Variants in KIF5A observed in about 807,000 individuals in gnomAD.
KIF5A encodes kinesin family member 5A, also known as kinesin heavy chain isoform 5A.
In KIF5A, 35 loss-of-function variants were observed where a neutral mutation model predicts 141.3. The ratio of observed to expected loss-of-function variants is 0.25; its 90% confidence interval spans 0.19 to 0.33. KIF5A has a LOEUF of 0.33. Ranked by LOEUF, KIF5A falls within the 10% of genes least tolerant of loss-of-function variation. KIF5A has a pLI of 1.00. For missense variants in KIF5A, 861 were observed against 1,314.3 expected, an observed-to-expected ratio of 0.66 and a Z score of 5.33; for synonymous variants, 448 against 500.2, an observed-to-expected ratio of 0.90 and a Z score of 1.39.
intron 13 of KIF5A, among the ~76,000 whole-genome samples, 197 bp downstream of exon 13, chr12:57,571,586 T>TA (rs1473215803): frequency 1.3e-5 from 2 of 151,796 alleles, no homozygotes; most frequent in Admixed American, 6.6e-5. Context: ...TTTTTTTTTT[T>TA]AGAGATGGAG....
intron 1 of KIF5A, among the ~76,000 whole-genome samples, chr12:57,551,403 A>G (rs1323371457): frequency 6.6e-6 from 1 of 151,742 alleles, no homozygotes; most frequent in African/African-American, 2.4e-5. Context: ...GTGACTGCAA[A>G]CCTCCCATCT....
chr12:57,579,153 T>C (rs1882518273), intron 23 of KIF5A, among the ~76,000 whole-genome samples: 1 of 152,136 alleles, frequency 6.6e-6, no homozygotes, highest in African/African-American at 2.4e-5. Flanking sequence ...TTGCTGCCTC[T>C]CTGTCCCCCT....
chr12:57,567,384 G>GTGGAAGAT, intron 7 of KIF5A, 110 bp from the exon 8 acceptor site: 2 of 1,441,028 alleles, frequency 1.4e-6, no homozygotes, highest in South Asian at 2.4e-5. Flanking sequence ...GGCTAGTCCT[G>GTGGAAGAT]GTGGGCACCT....
In KIF5A at chr12:57,583,144, C is replaced by A. The variant is rs1882657545; in HGVS notation, c.3064C>A (p.Leu1022Ile). 1 of 1,613,956 alleles carries A rather than the reference C, an allele frequency of 6.2e-7. No homozygotes were observed. Among genetic ancestry groups the A allele is most frequent in the Non-Finnish European group, 8.5e-7 (1 of 1,180,016 alleles). Residue 1022 changes from leucine (L) to isoleucine (I), a missense_variant, in exon 28 of 29, where the codon CTT becomes ATT. Physicochemically the swap from Leu to Ile is conservative, Grantham distance 5 (BLOSUM62 2). Around this residue, in one of 5 missense-constraint regions of KIF5A, gnomAD observed 482 missense variants for 661.3 expected, o/e 0.73. Coordinates refer to ENST00000455537, the MANE Select transcript of KIF5A (RefSeq NM_004984.4). ...CTATGAGGCTGAGGACCAGGCCAAGCTTTTCCCTCTCCACCAAGAGACAGC... is the reference window on the plus strand; with the variant it reads ...CTATGAGGCTGAGGACCAGGCCAAGATTTTCCCTCTCCACCAAGAGACAGC... ...CGYEAEDQAK[L>I]FPLHQETAAS
chr12:57,581,622 G>A, intron 25 of KIF5A, 54 bp downstream of exon 25: 1 of 1,582,600 alleles, frequency 6.3e-7, no homozygotes. Flanking sequence ...CTGGACCCTA[G>A]AAGGCATAGG....
At chr12:57,571,065 C>T (rs753468701) in intron 12 of KIF5A, among the ~76,000 whole-genome samples, 2 of 151,308 alleles carry the variant, frequency 1.3e-5, no homozygotes, top group African/African-American at 4.9e-5. Context: ...CCTTTCAATG[C>T]GCTGGGATTA....
chr12:57,580,981 G>A lies in KIF5A; in HGVS notation c.2564G>A (p.Arg855His). ...CTGGTACGTGACAATGCAGATCTGC[G>A]TTGTGAGCTTCCTAAATTGGAAAAA... ...KQLVRDNADL[R>H]CELPKLEKRL... The change falls in exon 24 of 29, where the codon CGT becomes CAT. Residue 855 changes from arginine to histidine, a missense_variant. Physicochemically the swap from Arg to His is conservative, Grantham distance 29. Transcript: ENST00000455537. 3 of 1,614,000 alleles carry A rather than the reference G, an allele frequency of 1.9e-6. No individual in the cohort carries two copies. The highest frequency in any genetic ancestry group is 1.1e-5 in the South Asian group (1 of 91,068).
rs17119769 is a variant in KIF5A, at chr12:57,564,226, G to A, written c.396+14G>A. 1,873 of 1,547,070 alleles carry A rather than the reference G, an allele frequency of 1.2e-3. 40 individuals carry two copies. The African/African-American group carries it at 0.023, about 19-fold the overall frequency. On this transcript the variant is annotated intron_variant, in intron 4 of 28. Transcript: ENST00000455537. ...TTCCACATCAAGGTGACCAGGGCAC[G>A]ACAGCTGGGCATTCAGATGGGGACT...
In KIF5A at chr12:57,550,257, A is replaced by G; in HGVS notation, c.-15A>G. The G allele has an allele frequency of 6.2e-7, 1 of 1,613,838 alleles. No individual in the cohort carries two copies. Among genetic ancestry groups the G allele is most frequent in the Non-Finnish European group, 8.5e-7 (1 of 1,179,952 alleles). On this transcript the variant is annotated 5_prime_UTR_variant, in exon 1 of 29. Transcript: ENST00000455537. This position sits in a 1 kb window ranked among gnomAD's most constrained non-coding sequence, Gnocchi z 4.6. ...GCAGCCCAAGAAGAGTCCCAGCCCCACGCCGGCTACCACCATGGCGGAGAC... is the reference window on the plus strand; with the variant it reads ...GCAGCCCAAGAAGAGTCCCAGCCCCGCGCCGGCTACCACCATGGCGGAGAC...
In KIF5A at chr12:57,568,993, C is replaced by T. The variant is rs539166420; in HGVS notation, c.745C>T (p.Leu249=). ...CAAGACTGGAGCAGAGGGAGCCGTG[C>T]TGGACGAGGCAAAGAATATCAACAA... ...VSKTGAEGAV[L]DEAKNINKSL... Residue 249 remains leucine (L), a synonymous_variant, in exon 9 of 29, where the codon CTG becomes TTG. Transcript: ENST00000455537. 4 of 1,613,946 alleles carry T rather than the reference C, an allele frequency of 2.5e-6. No individual in the cohort carries two copies. In the African/African-American group the frequency reaches 4.0e-5, roughly 16 times the overall value.
chr12:57,560,044 G>A (rs533360353), intron 1 of KIF5A, among the ~76,000 whole-genome samples: 25 of 152,052 alleles, frequency 1.6e-4, no homozygotes, highest in African/African-American at 5.8e-4. Flanking sequence ...GGCATGCACC[G>A]CTATGCCCAG....
intron 1 of KIF5A, among the ~76,000 whole-genome samples, chr12:57,553,511 C>T (rs564706836): frequency 8.5e-5 from 13 of 152,142 alleles, no homozygotes; most frequent in Admixed American, 2.0e-4. Flanking sequence ...AAAATGGAGA[C>T]GAGAAGTAAC....
In KIF5A at chr12:57,550,283, C is replaced by T. The variant is rs1389593168; in HGVS notation, c.12C>T (p.Thr4=). The change falls in exon 1 of 29, where the codon ACC becomes ACT. Residue 4 remains threonine, a synonymous_variant. Transcript: ENST00000455537. This position sits in a 1 kb window ranked among gnomAD's most constrained non-coding sequence, Gnocchi z 4.6. MAE[T]NNECSIKVLC... ...CGCCGGCTACCACCATGGCGGAGAC[C>T]AACAACGAATGTAGCATCAAGGTGC... is the stretch of plus-strand genomic sequence containing the variant. 6.2e-7 allele frequency: 1 copy of T among 1,614,146 alleles called. No individual in the cohort carries two copies. The highest frequency in any genetic ancestry group is 8.5e-7 in the Non-Finnish European group (1 of 1,180,020).
chr12:57,559,952 C>T (rs529319674), intron 1 of KIF5A, among the ~76,000 whole-genome samples: 10 of 152,216 alleles, frequency 6.6e-5, no homozygotes, highest in African/African-American at 9.6e-5. Context: ...AGTGCGGTGG[C>T]GCGATCTCGG....
chr12:57,575,113 G>C lies in KIF5A; in HGVS notation c.1746G>C (p.Glu582Asp). The change falls in exon 16 of 29, where the codon GAG becomes GAC. Residue 582 changes from glutamate (E) to aspartate (D), a missense_variant. Around this residue, in one of 5 missense-constraint regions of KIF5A, gnomAD observed 482 missense variants for 661.3 expected, o/e 0.73. Transcript: ENST00000455537. ...LPVEISGAIEEEFTVARLYIS... is the reference protein window; with the variant it reads ...LPVEISGAIEDEFTVARLYIS... Reference sequence around the variant, plus strand: ...TGGAGATCAGTGGGGCCATCGAGGAGGAGTTCACTGTGGCCCGACTCTACA... The same window carrying C: ...TGGAGATCAGTGGGGCCATCGAGGACGAGTTCACTGTGGCCCGACTCTACA... The C allele has an allele frequency of 5.6e-6, 9 of 1,614,056 alleles. No individual in the cohort carries two copies. Among genetic ancestry groups the C allele is most frequent in the Non-Finnish European group, 7.6e-6 (9 of 1,179,986 alleles).
chr12:57,571,623 G>A (rs984669613), intron 13 of KIF5A, among the ~76,000 whole-genome samples: 2 of 150,748 alleles, frequency 1.3e-5, no homozygotes, highest in African/African-American at 4.9e-5. Flanking sequence ...AGGCTGGAAT[G>A]CAGTGGGGCA....
chr12:57,550,434 G>T lies in KIF5A; in HGVS notation c.129+34G>T. 5 of 1,612,258 alleles carry T rather than the reference G, an allele frequency of 3.1e-6. No homozygotes were observed. Among genetic ancestry groups the T allele is most frequent in the Non-Finnish European group, 4.2e-6 (5 of 1,178,750 alleles). On this transcript the variant is annotated intron_variant, in intron 1 of 28. Coordinates refer to ENST00000455537, the MANE Select transcript of KIF5A (RefSeq NM_004984.4). This position sits in a 1 kb window ranked among gnomAD's most constrained non-coding sequence, Gnocchi z 4.6. The stretch of plus-strand genomic sequence containing the variant: ...CGCCCAGGAGGGAATTCGGGGAGGG[G>T]GCAGGTGGCTGAATCTCCCCGCCCC...
At chr12:57,582,089 AT>A in intron 26 of KIF5A, 137 bp downstream of exon 26, 7 of 736,116 alleles carry the variant, frequency 9.5e-6, no homozygotes, top group South Asian at 7.7e-5. Context: ...AAAAAAAAAA[AT>A]ACATATAGCC....
intron 23 of KIF5A, among the ~76,000 whole-genome samples, chr12:57,580,401 C>T (rs1882560892): frequency 6.6e-6 from 1 of 152,218 alleles, no homozygotes; most frequent in African/African-American, 2.4e-5. Context: ...GGGGCGGGCT[C>T]TGCCTGTCTA....
Sources: gnomAD v4.1 joint callset for allele counts (sites outside exome capture counted in the v4.1 genomes callset) on GRCh38, gnomAD v4.1.1 for gene constraint, gnomAD v4.1.1 regional missense constraint, Gnocchi (gnomAD v3.1) non-coding constraint, MANE v1.5 for transcripts, NCBI Gene and HGNC (gene_info 2026-07-23, HGNC 2026-07-21) for gene names.